The following TLN2 variants were observed in gnomAD, a reference collection of about 807,000 sequenced individuals.
TLN2 encodes the protein talin 2, also known as talin-2.
A neutral mutation model predicts 294.7 loss-of-function variants in TLN2; 118 were observed. That is an observed-to-expected ratio of 0.40 (90% CI 0.34 to 0.47). The LOEUF is 0.47. TLN2 is among the 20% of genes least tolerant of loss of function. The pLI is 0.84. For missense variants in TLN2, 3,083 were observed against 3,282.2 expected (o/e 0.94, Z 1.48); for synonymous variants, 1,431 against 1,304.5 (o/e 1.10, Z -2.09).
chr15:62,776,770 C>T lies in TLN2; in HGVS notation c.5374C>T (p.His1792Tyr). The T allele has an allele frequency of 6.5e-7, 1 of 1,544,528 alleles. No homozygotes were observed. The highest frequency in any genetic ancestry group is 8.8e-7 in the Non-Finnish European group (1 of 1,140,848). ...TTCACAATTCCCTTCTCAGGCACAA[C>T]ACACCCATGACGCCATCACAGAGGC... ...KEGGGNPKAQ[H>Y]THDAITEAAQ... is the part of the protein sequence containing the mutation. Residue 1792 changes from histidine (H) to tyrosine (Y), a missense_variant, in exon 43 of 59, where the codon CAC (histidine) becomes TAC (tyrosine). Transcript: ENST00000636159.
chr15:62,645,454 G>C (rs1057359848), intron 3 of TLN2, among the ~76,000 whole-genome samples: 1 of 152,250 alleles, frequency 6.6e-6, no homozygotes, highest in Non-Finnish European at 1.5e-5. Context: ...GCAGGGGTCA[G>C]AATGACATTG....
intron 9 of TLN2, among the ~76,000 whole-genome samples, chr15:62,671,086 T>C (rs946584849): frequency 6.6e-6 from 1 of 152,236 alleles, no homozygotes; most frequent in African/African-American, 2.4e-5. Flanking sequence ...ATCTCTTCTT[T>C]GGAGAAATGA....
intron 38 of TLN2, among the ~76,000 whole-genome samples, 180 bp from the exon 39 acceptor site, chr15:62,762,092 C>T (rs577676001): frequency 6.6e-6 from 1 of 152,224 alleles, no homozygotes; most frequent in Non-Finnish European, 1.5e-5. Flanking sequence ...AAGGGGCAAA[C>T]ATGGGCTTGA....
chr15:62,464,122 A>G (rs1473155003), intron 1 of TLN2, among the ~76,000 whole-genome samples: 1 of 152,224 alleles, frequency 6.6e-6, no homozygotes, highest in East Asian at 1.9e-4. Flanking sequence ...ACACACACAA[A>G]CGTGTGTTTA....
At chr15:62,546,422 A>T (rs184846755) in intron 1 of TLN2, among the ~76,000 whole-genome samples, 1 of 152,276 alleles carries the variant, frequency 6.6e-6, no homozygotes, top group Admixed American at 6.5e-5. Context: ...ATTTGGATTC[A>T]GCCTTTTGCT....
At chr15:62,397,196 G>GT in intron 1 of TLN2, among the ~76,000 whole-genome samples, 1 of 152,286 alleles carries the variant, frequency 6.6e-6, no homozygotes, top group East Asian at 1.9e-4. Flanking sequence ...AGAATGATGA[G>GT]TTTTTGCCAG....
intron 1 of TLN2, among the ~76,000 whole-genome samples, chr15:62,455,441 G>A (rs1441606586): frequency 1.3e-5 from 2 of 152,174 alleles, no homozygotes; most frequent in African/African-American, 4.8e-5. Flanking sequence ...GAGTCAGATA[G>A]CACAGGGGTT....
chr15:62,795,519 A>G lies in TLN2; in HGVS notation c.5884-608A>G, dbSNP rs556570809. 1.6e-4 allele frequency among the ~76,000 whole-genome samples: 25 copies of G among 152,138 alleles called. No individual in the cohort carries two copies. The East Asian group carries it at 4.8e-3, about 29-fold the overall frequency. ...GCTGGGCCCTCGGGGCACTGAAATG[A>G]TGGTTCGGGGGTGGATGATGGCTTG... On this transcript the variant is annotated intron_variant, in intron 46 of 58. Coordinates refer to ENST00000636159, the MANE Select transcript of TLN2 (RefSeq NM_015059.3).
intron 9 of TLN2, 23 bp from the exon 10 acceptor site, chr15:62,673,804 C>T (rs775806423): frequency 2.0e-4 from 320 of 1,599,292 alleles, no homozygotes; most frequent in Non-Finnish European, 1.5e-4. Context: ...AATGCCTTTC[C>T]TTTTTAAATG....
At chr15:62,746,887 G>A (rs1368282786) in intron 32 of TLN2, among the ~76,000 whole-genome samples, 1 of 152,096 alleles carries the variant, frequency 6.6e-6, no homozygotes, top group African/African-American at 2.4e-5. Context: ...ATGCTCTTTG[G>A]GAGTTATCTC....
At chr15:62,706,222 CT>C (rs11316320) in intron 19 of TLN2, among the ~76,000 whole-genome samples, 127,973 of 152,202 alleles carry the variant, frequency 0.84, 56,381 homozygotes, top group Non-Finnish European at 0.96. Context: ...GTCAAATAAA[CT>C]ACTTTCAGTA....
chr15:62,761,798 A>G lies in TLN2; in HGVS notation c.4756A>G (p.Ile1586Val), dbSNP rs1215398156. 2 of 1,614,178 alleles carry G rather than the reference A, an allele frequency of 1.2e-6. No homozygotes were observed. Among genetic ancestry groups the G allele is most frequent in the Non-Finnish European group, 8.5e-7 (1 of 1,180,032 alleles). Residue 1586 changes from isoleucine (I) to valine (V), a missense_variant, in exon 38 of 59, where the codon ATT (isoleucine) becomes GTT (valine). Physicochemically the swap from Ile to Val is conservative, Grantham distance 29 (BLOSUM62 3). Transcript: ENST00000636159. ...AFASNPEFVS[I>V]PAQISSEGSQ... The stretch of plus-strand genomic sequence containing the variant: ...CGCCTCAAACCCTGAGTTTGTCAGC[A>G]TTCCTGCCCAGATCAGCTCCGAGGT...
At chr15:62,772,368 T>C (rs2063399324) in intron 42 of TLN2, among the ~76,000 whole-genome samples, 2 of 152,164 alleles carry the variant, frequency 1.3e-5, no homozygotes, top group South Asian at 4.1e-4. Flanking sequence ...CCTCAAGTTG[T>C]TCAGAGTCTT....
chr15:62,503,981 G>A (rs2039446225), intron 1 of TLN2, among the ~76,000 whole-genome samples: 1 of 152,052 alleles, frequency 6.6e-6, no homozygotes, highest in South Asian at 2.1e-4. Context: ...ACATCTGCCT[G>A]TTTTTTCATC....
chr15:62,403,355 A>G (rs1367437802), intron 1 of TLN2, among the ~76,000 whole-genome samples: 1 of 152,180 alleles, frequency 6.6e-6, no homozygotes, highest in Non-Finnish European at 1.5e-5. Context: ...ACTCACTGAC[A>G]CCATTTCCTG....
rs192865088 is a variant in TLN2 at position 62,434,354 on chromosome 15, G to A, written c.-238+43669G>A. ...ATATCCTATTAGATTATATAGAATA[G>A]CCTCATTCTTTTTTAACAGCAGTTT... On this transcript the variant is annotated intron_variant, in intron 1 of 58. Transcript: ENST00000636159. Among the ~76,000 whole-genome samples the A allele has an allele frequency of 1.1e-4, 16 of 152,242 alleles. No individual in the cohort carries two copies. In the East Asian group the frequency reaches 2.9e-3, roughly 28 times the overall value.
At chr15:62,393,576 A>G (rs553861682) in intron 1 of TLN2, among the ~76,000 whole-genome samples, 115 of 152,340 alleles carry the variant, frequency 7.5e-4, no homozygotes, top group African/African-American at 2.6e-3. Context: ...AAGGACGATT[A>G]CAGGTGGTGA....
intron 1 of TLN2, among the ~76,000 whole-genome samples, chr15:62,447,494 C>CTTT (rs555848983): frequency 1.5e-5 from 2 of 131,664 alleles, no homozygotes; most frequent in Admixed American, 7.7e-5. Context: ...GTTAACTTTA[C>CTTT]TTTTTTTTTT....
chr15:62,410,833 G>GT (rs552009732), intron 1 of TLN2, among the ~76,000 whole-genome samples: 27 of 152,340 alleles, frequency 1.8e-4, no homozygotes, highest in Non-Finnish European at 3.7e-4. Flanking sequence ...ATAAGGTAGC[G>GT]TAAGTGGGAG....
Sources: allele counts gnomAD v4.1 joint callset (sites outside exome capture counted in the v4.1 genomes callset), GRCh38; gene constraint gnomAD v4.1.1; transcripts MANE v1.5; gene names NCBI Gene and HGNC (gene_info 2026-07-23, HGNC 2026-07-21).